The following DRC8 variants were observed in gnomAD, a reference collection of about 807,000 sequenced individuals.
DRC8 encodes dynein regulatory complex subunit 8, also known as dynein regulatory complex protein 8.
At chr1:245,041,276 C>T in the DRC8 span, among the ~76,000 whole-genome samples, 80 of 151,776 alleles carry the variant, frequency 5.3e-4, no homozygotes, top group Non-Finnish European at 8.2e-4. Context: ...AAGCCAAAAA[C>T]GTTGGCAGGG....
At chr1:245,069,683 C>A in the DRC8 span, among the ~76,000 whole-genome samples, 2 of 152,124 alleles carry the variant, frequency 1.3e-5, no homozygotes, top group Non-Finnish European at 2.9e-5. Flanking sequence ...AAGATGAAGA[C>A]GTTCTAGAGA....
At chr1:245,055,611 CCG>C in the DRC8 span, among the ~76,000 whole-genome samples, 5 of 152,144 alleles carry the variant, frequency 3.3e-5, no homozygotes, top group Non-Finnish European at 7.4e-5. Flanking sequence ...ATGTGAGCCA[CCG>C]CGCCTGGCCT....
the DRC8 span, among the ~76,000 whole-genome samples, chr1:245,011,058 C>T: frequency 6.6e-6 from 1 of 152,038 alleles, no homozygotes; most frequent in Non-Finnish European, 1.5e-5. Flanking sequence ...GAAATCTTTG[C>T]ATATACATAA....
At chr1:244,974,160 T>G in the DRC8 span, among the ~76,000 whole-genome samples, 1 of 152,228 alleles carries the variant, frequency 6.6e-6, no homozygotes, top group African/African-American at 2.4e-5. Context: ...TTCTTTCTTT[T>G]CCTTCTGTTT....
At chr1:244,993,646 C>T in the DRC8 span, among the ~76,000 whole-genome samples, 2 of 152,198 alleles carry the variant, frequency 1.3e-5, no homozygotes, top group Non-Finnish European at 1.5e-5. Flanking sequence ...TTATGAAGAA[C>T]ATAAATTTAT....
chr1:245,008,781 A>G, the DRC8 span, among the ~76,000 whole-genome samples: 1 of 150,646 alleles, frequency 6.6e-6, no homozygotes, highest in South Asian at 2.1e-4. Context: ...GGATCCTCCC[A>G]TGTCAGCCTC....
At chr1:245,026,036 CT>C in the DRC8 span, among the ~76,000 whole-genome samples, 3 of 152,304 alleles carry the variant, frequency 2.0e-5, no homozygotes, top group Admixed American at 2.0e-4. Context: ...GACTAGTACA[CT>C]GTGTTTACTT....
the DRC8 span, among the ~76,000 whole-genome samples, chr1:245,082,439 A>G: frequency 0.016 from 2,402 of 152,374 alleles, 51 homozygotes; most frequent in African/African-American, 0.055. Context: ...GTTTTGAATT[A>G]TCAATGATAA....
the DRC8 span, among the ~76,000 whole-genome samples, chr1:245,003,046 T>A: frequency 6.6e-6 from 1 of 152,208 alleles, no homozygotes; most frequent in Non-Finnish European, 1.5e-5. Flanking sequence ...CATACAATAA[T>A]TTGTCTTGTG....
the DRC8 span, among the ~76,000 whole-genome samples, chr1:245,029,383 C>T: frequency 6.6e-6 from 1 of 152,130 alleles, no homozygotes; most frequent in East Asian, 1.9e-4. Context: ...CTGCAACCTC[C>T]ACCTCCCCGG....
chr1:245,103,899 A>T, the DRC8 span, among the ~76,000 whole-genome samples: 3 of 152,228 alleles, frequency 2.0e-5, no homozygotes, highest in Non-Finnish European at 2.9e-5. Flanking sequence ...TCTCGGTCTA[A>T]AATCTGTAAA....
the DRC8 span, among the ~76,000 whole-genome samples, chr1:244,971,841 C>A: frequency 6.6e-6 from 1 of 151,664 alleles, no homozygotes; most frequent in South Asian, 2.1e-4. Context: ...TAATATTAAT[C>A]TGAGAAGCCA....
the DRC8 span, among the ~76,000 whole-genome samples, chr1:245,105,402 A>T: frequency 6.6e-6 from 1 of 152,162 alleles, no homozygotes; most frequent in Non-Finnish European, 1.5e-5. Context: ...TTCCTCTATT[A>T]AAGATAATTT....
At chr1:245,105,558 G>T in the DRC8 span, among the ~76,000 whole-genome samples, 1 of 149,472 alleles carries the variant, frequency 6.7e-6, no homozygotes, top group African/African-American at 2.5e-5. Context: ...AGGACATGGC[G>T]GTTGCAGTGA....
chr1:245,043,793 G>A, the DRC8 span: 1 of 152,188 alleles, frequency 6.6e-6, no homozygotes, highest in Admixed American at 6.5e-5. Flanking sequence ...TGGTGTGCTG[G>A]AGCCAGACCG....
chr1:245,002,162 A>G, the DRC8 span: 1 of 1,609,960 alleles, frequency 6.2e-7, no homozygotes, highest in Non-Finnish European at 8.5e-7. Flanking sequence ...CTCGGACTTT[A>G]CTGATCGAAC....
the DRC8 span, among the ~76,000 whole-genome samples, chr1:244,978,963 GACA>G: frequency 2.0e-5 from 3 of 151,916 alleles, no homozygotes; most frequent in African/African-American, 7.3e-5. Flanking sequence ...CAGCTAAGGA[GACA>G]ATGATACAAT....
the DRC8 span, among the ~76,000 whole-genome samples, chr1:245,062,960 C>T: frequency 6.6e-6 from 1 of 152,206 alleles, no homozygotes; most frequent in Non-Finnish European, 1.5e-5. Flanking sequence ...ATTTAACAAA[C>T]CCAGGTCTAC....
the DRC8 span, among the ~76,000 whole-genome samples, chr1:244,998,461 T>C: frequency 9.2e-5 from 14 of 152,314 alleles, no homozygotes; most frequent in South Asian, 1.9e-3. Flanking sequence ...TCCTTCCACC[T>C]TGGCCTCCTG....
Sources: gnomAD v4.1 joint callset for allele counts (sites outside exome capture counted in the v4.1 genomes callset) on GRCh38, gnomAD v4.1.1 for gene constraint, MANE v1.5 for transcripts, NCBI Gene and HGNC (gene_info 2026-07-23, HGNC 2026-07-21) for gene names.